DLG2: variants seen among roughly 807,000 people sequenced by gnomAD.
DLG2 encodes the protein discs large MAGUK scaffold protein 2.
In DLG2, 45 loss-of-function variants were observed where a neutral mutation model predicts 132.5. The observed-to-expected ratio is 0.34, with a 90% CI of 0.27 to 0.44. The LOEUF (loss-of-function observed/expected upper bound fraction) is 0.44. Among genes scored for constraint, DLG2 ranks in the 20% least tolerant of loss-of-function variants. The pLI, the probability that DLG2 is intolerant of heterozygous loss-of-function variation, is 1.00. For synonymous variants in DLG2, 424 were observed against 419.6 expected, an observed-to-expected ratio of 1.01 and a Z score of -0.13; for missense variants, 1,045 against 1,196.9, an observed-to-expected ratio of 0.87 and a Z score of 1.87.
At chr11:83,517,210 G>C (rs2095325748) in intron 21 of DLG2, among the ~76,000 whole-genome samples, 1 of 152,164 alleles carries the variant, frequency 6.6e-6, no homozygotes, top group South Asian at 2.1e-4. Flanking sequence ...TTTCTTGGAG[G>C]CTTTGTGCAT....
intron 3 of DLG2, among the ~76,000 whole-genome samples, chr11:85,510,814 C>T (rs1397413369): frequency 2.0e-5 from 3 of 152,110 alleles, no homozygotes; most frequent in East Asian, 1.9e-4. Flanking sequence ...GTCAGTGTGG[C>T]GATTCCTCAG....
At chr11:85,166,337 C>A (rs1455517670) in intron 4 of DLG2, among the ~76,000 whole-genome samples, 2 of 152,072 alleles carry the variant, frequency 1.3e-5, no homozygotes, top group Non-Finnish European at 2.9e-5. Context: ...ATTTCTGGTC[C>A]TACATTTTCA....
chr11:83,752,401 AT>A (rs1290307941), intron 18 of DLG2, among the ~76,000 whole-genome samples: 1 of 152,250 alleles, frequency 6.6e-6, no homozygotes, highest in East Asian at 1.9e-4. Flanking sequence ...GAGGAAAATC[AT>A]CCAAGTATGA....
chr11:85,339,715 C>T (rs1248364018), intron 3 of DLG2, among the ~76,000 whole-genome samples: 2 of 152,100 alleles, frequency 1.3e-5, no homozygotes, highest in East Asian at 1.9e-4. Context: ...GTCTTTAAGA[C>T]TTCTTTGTAT....
intron 8 of DLG2, among the ~76,000 whole-genome samples, chr11:84,177,428 A>C (rs535748020): frequency 6.6e-6 from 1 of 152,154 alleles, no homozygotes; most frequent in Admixed American, 6.6e-5. Context: ...CTCTGATTAT[A>C]TTATCAGGCT....
intron 7 of DLG2, among the ~76,000 whole-genome samples, chr11:84,444,803 T>C (rs1435514829): frequency 3.9e-5 from 4 of 102,268 alleles, no homozygotes; most frequent in South Asian, 3.0e-4. Flanking sequence ...ATTGTATACT[T>C]TTTTTTTTTT....
intron 3 of DLG2, among the ~76,000 whole-genome samples, chr11:85,475,465 T>C (rs2093113302): frequency 6.6e-6 from 1 of 152,024 alleles, no homozygotes. Context: ...CTCTATAAAA[T>C]AATATTTTCT....
intron 8 of DLG2, among the ~76,000 whole-genome samples, chr11:84,187,483 T>C (rs2154287726): frequency 6.6e-6 from 1 of 152,194 alleles, no homozygotes; most frequent in African/African-American, 2.4e-5. Flanking sequence ...CCCCCTTTTC[T>C]GAGTTAGAAA....
At chr11:84,297,163 A>G (rs2154379343) in intron 7 of DLG2, among the ~76,000 whole-genome samples, 1 of 151,034 alleles carries the variant, frequency 6.6e-6, no homozygotes, top group South Asian at 2.1e-4. Flanking sequence ...AGCATGATTG[A>G]TTAATATATT....
chr11:85,589,052 G>A (rs1487083293), intron 3 of DLG2, among the ~76,000 whole-genome samples: 1 of 152,178 alleles, frequency 6.6e-6, no homozygotes, highest in Non-Finnish European at 1.5e-5. Flanking sequence ...ATGGATACCA[G>A]CGCCTGCCCT....
chr11:85,071,653 A>G (rs150034243), intron 6 of DLG2, among the ~76,000 whole-genome samples: 7 of 151,910 alleles, frequency 4.6e-5, no homozygotes, highest in Non-Finnish European at 1.0e-4. Flanking sequence ...AAGAATTTAT[A>G]TGTTTCCACT....
At chr11:84,926,036 T>C (rs546095557) in intron 6 of DLG2, among the ~76,000 whole-genome samples, 1 of 152,236 alleles carries the variant, frequency 6.6e-6, no homozygotes, top group African/African-American at 2.4e-5. Flanking sequence ...GGAAACTATT[T>C]ACAACACATT....
chr11:85,565,116 T>C (rs2077459649), intron 3 of DLG2, among the ~76,000 whole-genome samples: 4 of 152,144 alleles, frequency 2.6e-5, no homozygotes, highest in Non-Finnish European at 5.9e-5. Flanking sequence ...TGAGCATTTT[T>C]GTAGATTCCA....
intron 16 of DLG2, among the ~76,000 whole-genome samples, chr11:83,834,227 A>G (rs529016834): frequency 1.3e-5 from 2 of 152,310 alleles, no homozygotes; most frequent in South Asian, 2.1e-4. Flanking sequence ...TGTGTAGGCC[A>G]TGGGGCTCAT....
At chr11:83,682,016 G>T in intron 18 of DLG2, 2 of 404,756 alleles carry the variant, frequency 4.9e-6, no homozygotes, top group Non-Finnish European at 6.7e-6. Context: ...AAGCTATTTT[G>T]CTCGTTAAAA....
At chr11:85,293,868 TGTAA>T (rs1211753920) in intron 3 of DLG2, among the ~76,000 whole-genome samples, 5 of 152,140 alleles carry the variant, frequency 3.3e-5, no homozygotes, top group African/African-American at 9.7e-5. Context: ...TTAGAAAATG[TGTAA>T]GTATTTAGTG....
At chr11:84,913,314 T>C (rs557708557) in intron 6 of DLG2, among the ~76,000 whole-genome samples, 5 of 152,318 alleles carry the variant, frequency 3.3e-5, no homozygotes, top group Admixed American at 2.6e-4. Context: ...TTTTTTCCCC[T>C]GTTAGAACTA....
At chr11:84,805,556 T>A (rs992004418) in intron 6 of DLG2, among the ~76,000 whole-genome samples, 1 of 152,312 alleles carries the variant, frequency 6.6e-6, no homozygotes, top group East Asian at 1.9e-4. Flanking sequence ...TTTGGTGCTG[T>A]TCTCATGATA....
At chr11:83,676,985 A>G (rs2077824243) in intron 18 of DLG2, among the ~76,000 whole-genome samples, 1 of 152,196 alleles carries the variant, frequency 6.6e-6, no homozygotes, top group South Asian at 2.1e-4. Context: ...AAGCAAGGTA[A>G]TCTGGATTAT....
Sources: gnomAD v4.1 joint callset for allele counts (sites outside exome capture counted in the v4.1 genomes callset) on GRCh38, gnomAD v4.1.1 for gene constraint, MANE v1.5 for transcripts, NCBI Gene and HGNC (gene_info 2026-07-23, HGNC 2026-07-21) for gene names.